Variants in CHODL observed in about 807,000 individuals in gnomAD.
CHODL encodes the protein transmembrane protein MT75.
CHODL carries 29 observed loss-of-function variants against 34.5 expected under a neutral mutation model. The observed-to-expected ratio is 0.84, with a 90% CI of 0.63 to 1.15. CHODL has a LOEUF of 1.15. Ranked by LOEUF, CHODL falls within the 50% of genes most tolerant of loss-of-function variation. The pLI, the probability that CHODL is intolerant of heterozygous loss-of-function variation, is 0.00. For synonymous variants in CHODL, 125 were observed against 116.1 expected (o/e 1.08, Z -0.49); for missense variants, 332 against 332.5 (o/e 1.00, Z 0.01).
chr21:18,132,287 C>G (rs925466200), intron 2 of CHODL, among the ~76,000 whole-genome samples: 2 of 152,040 alleles, frequency 1.3e-5, no homozygotes, highest in Non-Finnish European at 2.9e-5. Context: ...AAGCTATTGT[C>G]AAAGTTCTCC....
rs569946398 is a variant in CHODL at position 18,095,172 on chromosome 21, A to G, written c.-45+67201A>G. Reference sequence around the variant, plus strand: ...AAATAATAAAAGAGCATAAATAAATAAATTTGAAATGAAGAAAACAATACA... The same window carrying G: ...AAATAATAAAAGAGCATAAATAAATGAATTTGAAATGAAGAAAACAATACA... On this transcript the variant is annotated intron_variant, in intron 2 of 6. Coordinates refer to the CHODL transcript ENST00000400127. 3.3e-5 allele frequency among the ~76,000 whole-genome samples: 5 copies of G among 152,108 alleles called. No individual in the cohort carries two copies. The East Asian group carries it at 9.6e-4, about 29-fold the overall frequency.
At chr21:18,013,652 T>TTTTTTTTTTTTTTTTTTTTA (rs71189577) in intron 1 of CHODL, among the ~76,000 whole-genome samples, 1 of 141,426 alleles carries the variant, frequency 7.1e-6, no homozygotes. Context: ...TTTTTTTTTT[T>TTTTTTTTTTTTTTTTTTTTA]GAGACAGAGT....
chr21:18,069,563 A>G (rs968774709), intron 2 of CHODL, among the ~76,000 whole-genome samples: 1 of 150,418 alleles, frequency 6.6e-6, no homozygotes, highest in Non-Finnish European at 1.5e-5. Context: ...TATATGGATT[A>G]TTTGATCCCT....
chr21:18,214,272 G>T, intron 2 of CHODL, among the ~76,000 whole-genome samples: 1 of 151,990 alleles, frequency 6.6e-6, no homozygotes, highest in South Asian at 2.1e-4. Context: ...TATCATGTCT[G>T]TTCATTATAT....
chr21:18,205,501 G>A, intron 2 of CHODL, among the ~76,000 whole-genome samples: 1 of 151,796 alleles, frequency 6.6e-6, no homozygotes, highest in Non-Finnish European at 1.5e-5. Context: ...CTTCTACTAA[G>A]TTTGCATTTG....
In CHODL at chr21:18,246,381, G is replaced by A. The variant is rs140780185; in HGVS notation, c.79+1079G>A. The stretch of plus-strand genomic sequence containing the variant: ...ATGTAGAAATAGATGACAGATGACA[G>A]CAAGTAATTCAGCTGTGAAGCCAGA... On this transcript the variant is annotated intron_variant, in intron 1 of 5. Transcript: ENST00000299295. 3.2e-3 allele frequency among the ~76,000 whole-genome samples: 480 copies of A among 152,266 alleles called. 1 individual carries two copies. The highest frequency in any genetic ancestry group is 4.6e-3 in the Non-Finnish European group (313 of 67,990).
At chr21:18,003,135 A>C (rs74788464) in intron 1 of CHODL, among the ~76,000 whole-genome samples, 19,689 of 121,236 alleles carry the variant, frequency 0.16, 1,225 homozygotes, top group South Asian at 0.29. Context: ...AAAAAAAAAA[A>C]CAAAAAAAAA....
intron 1 of CHODL, among the ~76,000 whole-genome samples, chr21:18,248,337 C>T (rs2074169204): frequency 6.6e-6 from 1 of 151,362 alleles, no homozygotes. Context: ...GCCTATGGAA[C>T]TAATCTATGA....
intron 2 of CHODL, among the ~76,000 whole-genome samples, chr21:18,039,639 G>A (rs1368959494): frequency 3.3e-5 from 5 of 151,528 alleles, no homozygotes; most frequent in African/African-American, 1.2e-4. Flanking sequence ...TGACAATATG[G>A]CTTCTGGTTC....
At chr21:18,152,228 T>C (rs1031872419) in intron 2 of CHODL, among the ~76,000 whole-genome samples, 6 of 152,238 alleles carry the variant, frequency 3.9e-5, no homozygotes, top group Admixed American at 2.6e-4. Context: ...GTTATGCATC[T>C]GAAGGGTGAC....
intron 2 of CHODL, among the ~76,000 whole-genome samples, chr21:18,139,077 G>A (rs779627544): frequency 3.9e-5 from 6 of 152,060 alleles, no homozygotes; most frequent in African/African-American, 9.7e-5. Context: ...GCATGAGTAT[G>A]TGTAAAAGCC....
upstream of CHODL, among the ~76,000 whole-genome samples, chr21:18,242,337 C>T (rs1209371795): frequency 6.6e-6 from 1 of 152,066 alleles, no homozygotes; most frequent in Non-Finnish European, 1.5e-5. Flanking sequence ...TTGTTGCTTT[C>T]CCCCAACTCC....
intron 2 of CHODL, among the ~76,000 whole-genome samples, chr21:18,204,071 G>A (rs2073685635): frequency 2.0e-5 from 3 of 152,010 alleles, no homozygotes; most frequent in African/African-American, 7.2e-5. Flanking sequence ...ATAACATTTG[G>A]TATCTTGGAA....
At chr21:18,210,088 A>G (rs2073756969) in intron 2 of CHODL, among the ~76,000 whole-genome samples, 1 of 152,136 alleles carries the variant, frequency 6.6e-6, no homozygotes, top group African/African-American at 2.4e-5. Context: ...TGTGAACTAT[A>G]CTGCCTTTCA....
At chr21:18,123,505 C>A (rs1281303464) in intron 2 of CHODL, among the ~76,000 whole-genome samples, 1 of 152,034 alleles carries the variant, frequency 6.6e-6, no homozygotes, top group Non-Finnish European at 1.5e-5. Flanking sequence ...GTTTTGGAGG[C>A]TGGAAGTCTA....
chr21:18,149,066 C>G (rs2146623346), intron 2 of CHODL, among the ~76,000 whole-genome samples: 1 of 152,226 alleles, frequency 6.6e-6, no homozygotes, highest in South Asian at 2.1e-4. Context: ...ATTTGTTTTC[C>G]TGTCCTGTTT....
At chr21:18,075,620 T>C (rs2064855149) in intron 2 of CHODL, among the ~76,000 whole-genome samples, 1 of 152,200 alleles carries the variant, frequency 6.6e-6, no homozygotes, top group African/African-American at 2.4e-5. Context: ...TGGTACATGG[T>C]ATTTAATCAA....
chr21:18,254,566 A>G (rs1241613057), intron 1 of CHODL, among the ~76,000 whole-genome samples: 1 of 152,162 alleles, frequency 6.6e-6, no homozygotes, highest in Non-Finnish European at 1.5e-5. Flanking sequence ...ACCATTCTGG[A>G]GATTGTTTAT....
chr21:17,999,928 A>T (rs537864102), intron 1 of CHODL, among the ~76,000 whole-genome samples: 3 of 152,128 alleles, frequency 2.0e-5, no homozygotes, highest in African/African-American at 4.8e-5. Context: ...TTTAAAGTTA[A>T]TTTTTTTTAA....
Sources: allele counts gnomAD v4.1 joint callset (sites outside exome capture counted in the v4.1 genomes callset), GRCh38; gene constraint gnomAD v4.1.1; transcripts MANE v1.5; gene names NCBI Gene and HGNC (gene_info 2026-07-23, HGNC 2026-07-21).